LRRTM4: variants seen among roughly 807,000 people sequenced by gnomAD.
LRRTM4 encodes the protein leucine rich repeat transmembrane neuronal 4, also known as leucine-rich repeat transmembrane neuronal protein 4.
Under a neutral mutation model 47.6 loss-of-function variants are expected in LRRTM4, and 25 were observed. The ratio of observed to expected loss-of-function variants is 0.53; its 90% CI spans 0.38 to 0.73. The LOEUF (loss-of-function observed/expected upper bound fraction) is 0.73. Among genes scored for constraint, LRRTM4 ranks in the 30% least tolerant of loss-of-function variants. LRRTM4 has a pLI of 0.00. For synonymous variants in LRRTM4, 311 were observed against 269.5 expected (o/e 1.15, Z -1.51); for missense variants, 638 against 713.4 (o/e 0.89, Z 1.20).
chr2:77,245,392 AAAAACAAAAC>A (rs1435976754), intron 3 of LRRTM4, among the ~76,000 whole-genome samples: 2 of 151,746 alleles, frequency 1.3e-5, no homozygotes, highest in African/African-American at 4.8e-5. Context: ...ACAAAAAATA[AAAAACAAAAC>A]AAAACAAAAC....
At chr2:76,916,186 T>A (rs1176190655) in intron 3 of LRRTM4, among the ~76,000 whole-genome samples, 10 of 151,420 alleles carry the variant, frequency 6.6e-5, no homozygotes, top group African/African-American at 2.2e-4. Flanking sequence ...AACAAAGTAG[T>A]AGTAGAATAA....
chr2:77,299,920 C>T (rs1253595888), intron 3 of LRRTM4, among the ~76,000 whole-genome samples: 3 of 144,698 alleles, frequency 2.1e-5, no homozygotes, highest in Non-Finnish European at 4.5e-5. Context: ...GGCGCAATCT[C>T]GGCTCACTGC....
intron 3 of LRRTM4, among the ~76,000 whole-genome samples, chr2:76,918,413 C>T (rs897373317): frequency 3.3e-5 from 5 of 152,174 alleles, no homozygotes; most frequent in African/African-American, 1.2e-4. Flanking sequence ...GCTGTGTATC[C>T]ACTTGGATTA....
At chr2:77,218,231 C>T (rs539579341) in intron 3 of LRRTM4, among the ~76,000 whole-genome samples, 13 of 152,108 alleles carry the variant, frequency 8.5e-5, no homozygotes, top group South Asian at 4.1e-4. Flanking sequence ...CCACCTCAGG[C>T]GATCTGCCCA....
chr2:77,196,280 C>A (rs1673824902), intron 3 of LRRTM4, among the ~76,000 whole-genome samples: 1 of 152,100 alleles, frequency 6.6e-6, no homozygotes, highest in Non-Finnish European at 1.5e-5. Context: ...ATAGGCATAT[C>A]TATCTATTCT....
At chr2:77,213,223 A>G (rs1310966766) in intron 3 of LRRTM4, among the ~76,000 whole-genome samples, 1 of 152,188 alleles carries the variant, frequency 6.6e-6, no homozygotes, top group Non-Finnish European at 1.5e-5. Flanking sequence ...TGTCAGCTGT[A>G]AAGTAGGGAA....
At chr2:76,958,454 A>G (rs1438655955) in intron 3 of LRRTM4, among the ~76,000 whole-genome samples, 3 of 151,794 alleles carry the variant, frequency 2.0e-5, no homozygotes, top group African/African-American at 7.2e-5. Flanking sequence ...CTACGCTGAT[A>G]TTGCTGAATG....
chr2:77,441,638 C>A (rs1675846016), intron 3 of LRRTM4, among the ~76,000 whole-genome samples: 2 of 152,030 alleles, frequency 1.3e-5, no homozygotes. Context: ...ATAAACATTG[C>A]AAAGATGTAT....
intron 3 of LRRTM4, among the ~76,000 whole-genome samples, chr2:76,811,772 C>G (rs749273552): frequency 7.9e-5 from 12 of 152,044 alleles, no homozygotes; most frequent in Non-Finnish European, 1.8e-4. Flanking sequence ...TTTATTTTAC[C>G]TGTCCTGAAC....
At chr2:76,934,163 T>C (rs1235478112) in intron 3 of LRRTM4, among the ~76,000 whole-genome samples, 1 of 152,192 alleles carries the variant, frequency 6.6e-6, no homozygotes, top group Non-Finnish European at 1.5e-5. Context: ...GTCTCTATGC[T>C]TGTCACTCAC....
At chr2:77,281,670 C>T in intron 3 of LRRTM4, among the ~76,000 whole-genome samples, 1 of 151,624 alleles carries the variant, frequency 6.6e-6, no homozygotes, top group East Asian at 1.9e-4. Flanking sequence ...ATGGGCATGG[C>T]AGAATGATAA....
chr2:76,945,625 CCATT>C (rs1283047618), intron 3 of LRRTM4, among the ~76,000 whole-genome samples: 8 of 151,912 alleles, frequency 5.3e-5, no homozygotes, highest in East Asian at 1.9e-4. Context: ...ACTGCAACCC[CCATT>C]CAAAGTTTTG....
intron 3 of LRRTM4, among the ~76,000 whole-genome samples, chr2:76,784,626 C>A (rs2104174907): frequency 6.6e-6 from 1 of 152,116 alleles, no homozygotes; most frequent in South Asian, 2.1e-4. Context: ...TACTATGGGG[C>A]ACCACTGATT....
chr2:77,214,377 A>G (rs1234750975), intron 3 of LRRTM4, among the ~76,000 whole-genome samples: 1 of 152,138 alleles, frequency 6.6e-6, no homozygotes, highest in African/African-American at 2.4e-5. Flanking sequence ...TGCTAGAGTT[A>G]TTAGATAATA....
Position 76,857,150 on chromosome 2 carries a change from T to C in LRRTM4, c.1552-108234A>G, listed in dbSNP as rs573503712. On this transcript the variant is annotated intron_variant, in intron 3 of 3. Coordinates refer to ENST00000409884, the MANE Select transcript of LRRTM4 (RefSeq NM_001134745.3). ...TACCAACCCCTCCTCTTCTTCCTCC[T>C]TCTCCTTGGCCAACTCAACATGAAG... 9.2e-5 allele frequency among the ~76,000 whole-genome samples: 14 copies of C among 151,680 alleles called. No individual in the cohort carries two copies. The East Asian group carries it at 2.7e-3, about 30-fold the overall frequency.
At chr2:76,761,415 A>G (rs1350609730) in intron 3 of LRRTM4, among the ~76,000 whole-genome samples, 3 of 152,172 alleles carry the variant, frequency 2.0e-5, no homozygotes, top group East Asian at 1.9e-4. Context: ...TTATGTATAT[A>G]TTCTATTCTT....
chr2:77,102,503 C>G (rs1207569735), intron 3 of LRRTM4, among the ~76,000 whole-genome samples: 2 of 152,202 alleles, frequency 1.3e-5, no homozygotes, highest in Admixed American at 6.5e-5. Flanking sequence ...CTGACTAGAA[C>G]TGAGTCAAAT....
chr2:76,932,228 C>G (rs1029585712), intron 3 of LRRTM4, among the ~76,000 whole-genome samples: 1 of 152,062 alleles, frequency 6.6e-6, no homozygotes, highest in Non-Finnish European at 1.5e-5. Flanking sequence ...AATGACTGAA[C>G]CTTGAGTTTA....
intron 3 of LRRTM4, among the ~76,000 whole-genome samples, chr2:77,082,792 T>C (rs1332955184): frequency 6.6e-6 from 1 of 152,140 alleles, no homozygotes. Flanking sequence ...CTTTCTATGA[T>C]GTCACGTATT....
Sources: gnomAD v4.1 joint callset for allele counts (sites outside exome capture counted in the v4.1 genomes callset) on GRCh38, gnomAD v4.1.1 for gene constraint, MANE v1.5 for transcripts, NCBI Gene and HGNC (gene_info 2026-07-23, HGNC 2026-07-21) for gene names.